TBL1XR1: variants seen among roughly 807,000 people sequenced by gnomAD.
TBL1XR1 encodes F-box-like/WD repeat-containing protein TBL1XR1.
A neutral mutation model predicts 66.9 loss-of-function variants in TBL1XR1; 5 were observed. The observed-to-expected ratio is 0.07, with a 90% CI of 0.04 to 0.16. The LOEUF is 0.16. Ranked by LOEUF, TBL1XR1 falls within the 10% of genes least tolerant of loss-of-function variation. TBL1XR1 has a pLI of 1.00. For synonymous variants in TBL1XR1, 210 were observed against 206.0 expected, an observed-to-expected ratio of 1.02 and a Z score of -0.17; for missense variants, 238 against 623.2, an observed-to-expected ratio of 0.38 and a Z score of 6.58.
chr3:177,146,229 G>A (rs1393532229), intron 1 of TBL1XR1, among the ~76,000 whole-genome samples: 1 of 152,012 alleles, frequency 6.6e-6, no homozygotes, highest in African/African-American at 2.4e-5. Flanking sequence ...GGCTTGTACA[G>A]CAGTACATCT....
intron 1 of TBL1XR1, among the ~76,000 whole-genome samples, chr3:177,128,213 C>T (rs754963145): frequency 5.9e-5 from 9 of 151,644 alleles, no homozygotes; most frequent in African/African-American, 7.3e-5. Flanking sequence ...AACAAGACTC[C>T]GTCTCAGGAA....
chr3:177,094,050 G>T (rs532562860), intron 2 of TBL1XR1, among the ~76,000 whole-genome samples: 1 of 152,184 alleles, frequency 6.6e-6, no homozygotes, highest in African/African-American at 2.4e-5. Flanking sequence ...AACCCACAGA[G>T]TGAGAGAAAA....
chr3:177,041,566 T>TAAC (rs1715590289), intron 10 of TBL1XR1, among the ~76,000 whole-genome samples: 1 of 152,182 alleles, frequency 6.6e-6, no homozygotes, highest in Non-Finnish European at 1.5e-5. Flanking sequence ...AATCAACTAG[T>TAAC]AAACAAAAAT....
intron 1 of TBL1XR1, among the ~76,000 whole-genome samples, chr3:177,148,285 A>G (rs1386112703): frequency 6.6e-6 from 1 of 152,258 alleles, no homozygotes; most frequent in Non-Finnish European, 1.5e-5. Flanking sequence ...TGTTGTGGAC[A>G]TCTATCAAGT....
intron 1 of TBL1XR1, among the ~76,000 whole-genome samples, chr3:177,121,797 AT>A (rs1370510066): frequency 3.3e-5 from 5 of 152,096 alleles, no homozygotes; most frequent in Non-Finnish European, 5.9e-5. Context: ...GGCTACCTTC[AT>A]GTCTGACACG....
chr3:177,093,005 G>A (rs559526264), intron 2 of TBL1XR1, among the ~76,000 whole-genome samples: 10 of 152,176 alleles, frequency 6.6e-5, no homozygotes, highest in South Asian at 4.2e-4. Flanking sequence ...CATCCAAATC[G>A]GTAAAGAGGA....
At chr3:177,198,206 C>T (rs1381287747), upstream of TBL1XR1, among the ~76,000 whole-genome samples, 1 of 152,156 alleles carries the variant, frequency 6.6e-6, no homozygotes, top group African/African-American at 2.4e-5. Flanking sequence ...AGCACGGGAT[C>T]TGGAGAGAAA....
chr3:177,191,663 A>T (rs1478033326), intron 1 of TBL1XR1, among the ~76,000 whole-genome samples: 4 of 152,212 alleles, frequency 2.6e-5, no homozygotes, highest in Admixed American at 2.0e-4. Context: ...AACTATCTAG[A>T]CAGCATCTGA....
chr3:177,198,617 A>T (rs2109034293), upstream of TBL1XR1, among the ~76,000 whole-genome samples: 1 of 152,300 alleles, frequency 6.6e-6, no homozygotes, highest in African/African-American at 2.4e-5. Context: ...AAGATGGGGT[A>T]GGGTGCTTTT....
In TBL1XR1 at chr3:177,025,133, CTGA is replaced by C; in HGVS notation, c.*362_*364del. ...AAAAGAATATAATCCATGGTGTCTGCTGATTCAAAGGGGAGAAACAAGGCTGTC... is the reference window on the plus strand; with the variant it reads ...AAAAGAATATAATCCATGGTGTCTGCTTCAAAGGGGAGAAACAAGGCTGTC... On this transcript the variant is annotated 3_prime_UTR_variant, in exon 16 of 16. Transcript: ENST00000457928. 4.6e-6 allele frequency: 1 copy of C among 218,640 alleles called. No individual in the cohort carries two copies. Among genetic ancestry groups the C allele is most frequent in the Non-Finnish European group, 8.9e-6 (1 of 111,814 alleles). 13.5% of individuals were successfully genotyped at this position (218,640 alleles called of 1,614,324 possible).
At chr3:177,119,472 T>C (rs1726722081) in intron 1 of TBL1XR1, among the ~76,000 whole-genome samples, 1 of 152,104 alleles carries the variant, frequency 6.6e-6, no homozygotes, top group Admixed American at 6.6e-5. Flanking sequence ...TAAATAGACA[T>C]GAATGGTTAG....
chr3:177,038,106 T>C lies in TBL1XR1; in HGVS notation c.1114A>G (p.Thr372Ala). Residue 372 changes from threonine (T) to alanine (A), a missense_variant, in exon 12 of 16, where the codon ACT (threonine) becomes GCT (alanine). Thr to Ala is a moderately conservative substitution (Grantham distance 58). Around this residue, in one of 8 missense-constraint regions of TBL1XR1, gnomAD observed 89 missense variants for 220.2 expected, o/e 0.40. Coordinates refer to ENST00000457928, the MANE Select transcript of TBL1XR1 (RefSeq NM_024665.7). ...NLLASCSDDM[T>A]LKIWSMKQDN... is the part of the protein sequence containing the mutation. Reference sequence around the variant, plus strand: ...CCTACTAAGCAAATTACCTTTAAAGTCATGTCGTCAGAACAGGAGGCCAAG... The same window carrying C: ...CCTACTAAGCAAATTACCTTTAAAGCCATGTCGTCAGAACAGGAGGCCAAG... The C allele has an allele frequency of 6.2e-7, 1 of 1,612,258 alleles. No individual in the cohort carries two copies. The highest frequency in any genetic ancestry group is 8.5e-7 in the Non-Finnish European group (1 of 1,179,724).
At chr3:177,075,010 CAT>C (rs757895456) in intron 2 of TBL1XR1, among the ~76,000 whole-genome samples, 3 of 152,210 alleles carry the variant, frequency 2.0e-5, no homozygotes, top group Non-Finnish European at 4.4e-5. Context: ...TCAAAATCCA[CAT>C]GTCCTTCTGC....
At chr3:177,082,738 TTATATATA>T (rs374510003) in intron 2 of TBL1XR1, among the ~76,000 whole-genome samples, 926 of 63,246 alleles carry the variant, frequency 0.015, 82 homozygotes, top group Non-Finnish European at 0.011. Context: ...AAGATAGAGA[TTATATATA>T]TATATATATA....
intron 5 of TBL1XR1, among the ~76,000 whole-genome samples, chr3:177,050,924 T>C (rs1283841794): frequency 2.0e-5 from 3 of 152,180 alleles, no homozygotes; most frequent in Admixed American, 2.0e-4. Context: ...TGTCTATCAG[T>C]ACTATTCTGA....
intron 1 of TBL1XR1, among the ~76,000 whole-genome samples, chr3:177,128,357 T>G (rs977247341): frequency 7.2e-5 from 11 of 152,248 alleles, no homozygotes; most frequent in Admixed American, 5.2e-4. Context: ...ATATAACTTA[T>G]GACACAGAGA....
chr3:177,135,825 T>C (rs1040502865), intron 1 of TBL1XR1, among the ~76,000 whole-genome samples: 1 of 151,756 alleles, frequency 6.6e-6, no homozygotes, highest in African/African-American at 2.4e-5. Flanking sequence ...ATTTACATTC[T>C]GGTGGAAGGC....
intron 4 of TBL1XR1, 60 bp downstream of exon 4, chr3:177,053,713 G>T: frequency 1.3e-6 from 2 of 1,490,396 alleles, no homozygotes; most frequent in Admixed American, 1.9e-5. Context: ...AAGCAAGACA[G>T]CTGACTTAAC....
intron 3 of TBL1XR1, 119 bp downstream of exon 3, chr3:177,064,801 A>G: frequency 1.4e-6 from 1 of 698,540 alleles, no homozygotes; most frequent in Non-Finnish European, 2.4e-6. Context: ...GGCAGTCCAG[A>G]CATTAAGAAA....
Sources: gnomAD v4.1 joint callset for allele counts (sites outside exome capture counted in the v4.1 genomes callset) on GRCh38, gnomAD v4.1.1 for gene constraint, gnomAD v4.1.1 regional missense constraint, MANE v1.5 for transcripts, NCBI Gene and HGNC (gene_info 2026-07-23, HGNC 2026-07-21) for gene names.